The following GRM8 variants were observed in gnomAD, a reference collection of about 807,000 sequenced individuals.
GRM8 encodes the protein glutamate metabotropic receptor 8, also known as metabotropic glutamate receptor 8.
GRM8 carries 47 observed loss-of-function variants against 87.2 expected under a neutral mutation model. The observed-to-expected ratio is 0.54, with a 90% CI of 0.43 to 0.69. The LOEUF (loss-of-function observed/expected upper bound fraction) is 0.69. Ranked by LOEUF, GRM8 falls within the 30% of genes least tolerant of loss-of-function variation. GRM8 has a pLI of 0.00. For missense variants in GRM8, 1,019 were observed against 1,139.2 expected, an observed-to-expected ratio of 0.89 and a Z score of 1.52; for synonymous variants, 396 against 404.5, an observed-to-expected ratio of 0.98 and a Z score of 0.25.
intron 3 of GRM8, among the ~76,000 whole-genome samples, chr7:126,984,632 G>A (rs1429379377): frequency 5.3e-5 from 8 of 152,124 alleles, no homozygotes; most frequent in African/African-American, 1.9e-4. Context: ...GTGATCATGT[G>A]AGTTAATACT....
chr7:127,082,426 T>TA (rs1822965784), intron 3 of GRM8, among the ~76,000 whole-genome samples: 1 of 152,154 alleles, frequency 6.6e-6, no homozygotes, highest in Non-Finnish European at 1.5e-5. Context: ...CTATGATCTT[T>TA]ATTAAGTTAT....
chr7:126,901,827 C>T (rs1185977353), intron 6 of GRM8, among the ~76,000 whole-genome samples: 1 of 152,064 alleles, frequency 6.6e-6, no homozygotes, highest in Non-Finnish European at 1.5e-5. Flanking sequence ...CTTTAAATTT[C>T]ATTTTCTATG....
At chr7:126,671,928 C>T (rs985237174) in intron 7 of GRM8, among the ~76,000 whole-genome samples, 2 of 151,288 alleles carry the variant, frequency 1.3e-5, no homozygotes, top group Non-Finnish European at 3.0e-5. Context: ...GTCCATGCGA[C>T]CCCCGCTGAG....
chr7:126,465,054 T>C (rs1804332001), intron 9 of GRM8, among the ~76,000 whole-genome samples: 1 of 151,766 alleles, frequency 6.6e-6, no homozygotes, highest in African/African-American at 2.4e-5. Context: ...AATCAAATTC[T>C]CTCAGCTACA....
chr7:126,748,163 A>G (rs1170990880), intron 7 of GRM8, among the ~76,000 whole-genome samples: 4 of 152,052 alleles, frequency 2.6e-5, no homozygotes, highest in African/African-American at 7.2e-5. Context: ...CCTAACCAGT[A>G]GCATAAATTA....
In GRM8 at chr7:126,804,894, A is replaced by T. The variant is rs370420039; in HGVS notation, c.1157-34829T>A. Among the ~76,000 whole-genome samples, 39 of 152,306 alleles carry T rather than the reference A, an allele frequency of 2.6e-4. 1 individual carries two copies. Among genetic ancestry groups the T allele is most frequent in the African/African-American group, 8.4e-4 (35 of 41,562 alleles). On this transcript the variant is annotated intron_variant, in intron 6 of 10. Transcript: ENST00000339582. ...ACCAACTCTATCTTGCTCTGCTAGAAACTATTCTACCAGAAACTGCACCCT... is the reference window on the plus strand; with the variant it reads ...ACCAACTCTATCTTGCTCTGCTAGATACTATTCTACCAGAAACTGCACCCT...
At chr7:127,186,168 A>G (rs1446707473) in intron 2 of GRM8, among the ~76,000 whole-genome samples, 1 of 152,194 alleles carries the variant, frequency 6.6e-6, no homozygotes, top group African/African-American at 2.4e-5. Context: ...TATCCAGGCA[A>G]GAAAAACCAG....
rs182179196 is a variant in GRM8 at position 126,550,924 on chromosome 7, A to G, written c.1495-17037T>C. 9.9e-5 allele frequency among the ~76,000 whole-genome samples: 15 copies of G among 151,926 alleles called. No individual in the cohort carries two copies. In the East Asian group the frequency reaches 2.5e-3, roughly 25 times the overall value. ...GATACCTGGCAAGTCTAATTGAGGGAGAAAAAAAAGAGAGGAAAAAACTCA... is the reference window on the plus strand; with the variant it reads ...GATACCTGGCAAGTCTAATTGAGGGGGAAAAAAAAGAGAGGAAAAAACTCA... On this transcript the variant is annotated intron_variant, in intron 8 of 10. Transcript: ENST00000339582.
At chr7:126,483,767 C>CCCTCCCTCCCTT (rs1807028273) in intron 9 of GRM8, among the ~76,000 whole-genome samples, 1 of 118,492 alleles carries the variant, frequency 8.4e-6, no homozygotes, top group Non-Finnish European at 1.7e-5. Flanking sequence ...CTCCCTCCCT[C>CCCTCCCTCCCTT]CCTCCCTTCC....
At chr7:127,212,633 G>A (rs1168226156) in intron 2 of GRM8, among the ~76,000 whole-genome samples, 1 of 151,930 alleles carries the variant, frequency 6.6e-6, no homozygotes, top group Non-Finnish European at 1.5e-5. Flanking sequence ...TAGCCGGGAT[G>A]GTCTCGATCT....
chr7:126,792,494 G>A (rs1821461500), intron 6 of GRM8, among the ~76,000 whole-genome samples: 1 of 152,146 alleles, frequency 6.6e-6, no homozygotes, highest in African/African-American at 2.4e-5. Flanking sequence ...CCTAAAGTTT[G>A]AGGGCCCACT....
At chr7:126,740,877 A>AC (rs1814894710) in intron 7 of GRM8, among the ~76,000 whole-genome samples, 1 of 152,148 alleles carries the variant, frequency 6.6e-6, no homozygotes, top group Admixed American at 6.6e-5. Context: ...AGAAACTCTA[A>AC]CAACTTCCTG....
In GRM8 at chr7:127,108,738, A is replaced by G. The variant is rs575239024; in HGVS notation, c.511-2026T>C. Among the ~76,000 whole-genome samples the G allele has an allele frequency of 7.2e-5, 11 of 152,298 alleles. 1 individual carries two copies. Among genetic ancestry groups the G allele is most frequent in the African/African-American group, 2.4e-4 (10 of 41,566 alleles). ...AGCAGTCAGCCTCATGTTTAGGATTAATTAAACAGGTGTAAAGGGTATATA... is the reference window on the plus strand; with the variant it reads ...AGCAGTCAGCCTCATGTTTAGGATTGATTAAACAGGTGTAAAGGGTATATA... On this transcript the variant is annotated intron_variant, in intron 2 of 10. Transcript: ENST00000339582.
intron 7 of GRM8, among the ~76,000 whole-genome samples, chr7:126,709,568 G>C (rs914927963): frequency 7.2e-5 from 11 of 152,168 alleles, no homozygotes; most frequent in Admixed American, 1.3e-4. Flanking sequence ...CTTGTACACT[G>C]TTGGTGGGAA....
chr7:126,563,576 T>C (rs1335601548), intron 8 of GRM8, among the ~76,000 whole-genome samples: 1 of 152,154 alleles, frequency 6.6e-6, no homozygotes, highest in African/African-American at 2.4e-5. Flanking sequence ...TTAAATCTCA[T>C]TTTTTAGGGA....
intron 3 of GRM8, among the ~76,000 whole-genome samples, chr7:126,907,147 A>G (rs1802773224): frequency 2.0e-5 from 3 of 149,524 alleles, no homozygotes; most frequent in Admixed American, 1.3e-4. Flanking sequence ...GAAGAGGAAG[A>G]AGGAGGAAGA....
At chr7:126,971,176 AAAAAAAAAC>A (rs1810383549) in intron 3 of GRM8, among the ~76,000 whole-genome samples, 2 of 150,678 alleles carry the variant, frequency 1.3e-5, no homozygotes, top group African/African-American at 4.8e-5. Flanking sequence ...AAAAAAAAAA[AAAAAAAAAC>A]ACTATCTGTA....
chr7:127,222,134 A>T (rs1796970757), intron 2 of GRM8, among the ~76,000 whole-genome samples: 1 of 152,196 alleles, frequency 6.6e-6, no homozygotes, highest in African/African-American at 2.4e-5. Flanking sequence ...ACCAACATGC[A>T]GTGGCTCATG....
At chr7:127,224,586 G>T (rs1296827623) in intron 2 of GRM8, among the ~76,000 whole-genome samples, 1 of 152,100 alleles carries the variant, frequency 6.6e-6, no homozygotes, top group African/African-American at 2.4e-5. Context: ...GAATGTCTCA[G>T]AACATCAGGA....
Sources: gnomAD v4.1 joint callset for allele counts (sites outside exome capture counted in the v4.1 genomes callset) on GRCh38, gnomAD v4.1.1 for gene constraint, MANE v1.5 for transcripts, NCBI Gene and HGNC (gene_info 2026-07-23, HGNC 2026-07-21) for gene names.